The following PALLD variants were observed in gnomAD, a reference collection of about 807,000 sequenced individuals.
PALLD encodes palladin, cytoskeletal associated protein, also known as palladin.
PALLD carries 61 observed loss-of-function variants against 123.5 expected under a neutral mutation model. That is an observed-to-expected ratio of 0.49 (90% CI 0.40 to 0.61). The LOEUF (loss-of-function observed/expected upper bound fraction) is 0.61. Among genes scored for constraint, PALLD ranks in the 20% least tolerant of loss-of-function variants. The pLI is 0.00. For missense variants in PALLD, 1,273 were observed against 1,377.0 expected, an observed-to-expected ratio of 0.92 and a Z score of 1.20; for synonymous variants, 465 against 496.4, an observed-to-expected ratio of 0.94 and a Z score of 0.84.
intron 10 of PALLD, among the ~76,000 whole-genome samples, chr4:168,797,044 G>A (rs1738612685): frequency 6.6e-6 from 1 of 152,088 alleles, no homozygotes; most frequent in Admixed American, 6.5e-5. Flanking sequence ...TCACCAAATT[G>A]AGTTGTCTCT....
intron 2 of PALLD, among the ~76,000 whole-genome samples, chr4:168,552,425 G>A (rs752717174): frequency 6.6e-6 from 1 of 152,094 alleles, no homozygotes; most frequent in Non-Finnish European, 1.5e-5. Flanking sequence ...TGGAATCCAT[G>A]AGCTTTCTTA....
chr4:168,702,104 T>C (rs1783732850), intron 8 of PALLD, among the ~76,000 whole-genome samples: 3 of 152,230 alleles, frequency 2.0e-5, no homozygotes, highest in African/African-American at 7.2e-5. Flanking sequence ...AAACTCCATT[T>C]CCTGACTTAA....
At chr4:168,878,698 T>G in intron 10 of PALLD, among the ~76,000 whole-genome samples, 1 of 148,576 alleles carries the variant, frequency 6.7e-6, no homozygotes, top group South Asian at 2.2e-4. Flanking sequence ...GGGGGGTGCT[T>G]AGCTATCATT....
At chr4:168,605,113 A>C (rs1385759975) in intron 2 of PALLD, among the ~76,000 whole-genome samples, 1 of 152,048 alleles carries the variant, frequency 6.6e-6, no homozygotes, top group African/African-American at 2.4e-5. Flanking sequence ...CTGAGCTCCA[A>C]ATGTGATGTT....
chr4:168,689,432 C>CTTTTTTTTTTTTTTTTTTTTTT (rs70961551), intron 6 of PALLD, among the ~76,000 whole-genome samples: 1 of 49,858 alleles, frequency 2.0e-5, no homozygotes, highest in Admixed American at 3.5e-4. Flanking sequence ...ATCCAATATT[C>CTTTTTTTTTTTTTTTTTTTTTT]TTTTTTTTTT....
chr4:168,838,777 C>T (rs1047653501), intron 10 of PALLD, among the ~76,000 whole-genome samples: 8 of 143,750 alleles, frequency 5.6e-5, no homozygotes, highest in African/African-American at 2.1e-4. Flanking sequence ...AGGAAACCTA[C>T]ACACTTGTCC....
chr4:168,509,438 A>G (rs901904883), intron 1 of PALLD, among the ~76,000 whole-genome samples: 2 of 152,216 alleles, frequency 1.3e-5, no homozygotes, highest in African/African-American at 4.8e-5. Context: ...CCTTTTCAAA[A>G]TCATACTTTA....
At chr4:168,852,495 G>A (rs1403494748) in intron 10 of PALLD, among the ~76,000 whole-genome samples, 2 of 152,196 alleles carry the variant, frequency 1.3e-5, no homozygotes, top group East Asian at 3.8e-4. Context: ...ACAAAAATTA[G>A]CCGGGTGCAG....
At chr4:168,839,417 A>G (rs1043420667) in intron 10 of PALLD, among the ~76,000 whole-genome samples, 9 of 151,856 alleles carry the variant, frequency 5.9e-5, no homozygotes, top group Admixed American at 5.2e-4. Flanking sequence ...CTCTGTAGGT[A>G]GTCAATGGGA....
intron 13 of PALLD, 31 bp from the exon 14 acceptor site, chr4:168,898,462 A>C: frequency 7.2e-7 from 1 of 1,385,686 alleles, no homozygotes; most frequent in Non-Finnish European, 1.0e-6. Context: ...GAAGGGATTG[A>C]GTCTGCTAAC....
chr4:168,831,841 C>A (rs1291996973), intron 10 of PALLD, among the ~76,000 whole-genome samples: 2 of 152,224 alleles, frequency 1.3e-5, no homozygotes, highest in East Asian at 3.8e-4. Flanking sequence ...CCAGGAAAGC[C>A]CGATTTGTAG....
intron 10 of PALLD, chr4:168,831,876 G>A (rs1458104140): frequency 2.3e-6 from 1 of 435,956 alleles, no homozygotes; most frequent in Non-Finnish European, 3.1e-6. Context: ...GAAGGGGCCT[G>A]CGACCAGAAA....
Position 168,915,890 on chromosome 4 carries a change from T to C in PALLD, c.2718-5T>C. On this transcript the variant is annotated splice_polypyrimidine_tract_variant and splice_region_variant and intron_variant, in intron 16 of 21. Transcript: ENST00000505667. ...CTATCTATCTGTCATCTTTCTTGTT[T>C]CAAGGCCTCGTTCTAGATCAAGGGA... 1 of 1,611,620 alleles carries C rather than the reference T, an allele frequency of 6.2e-7. No homozygotes were observed.
At chr4:168,915,868 T>A (rs1446626053) in intron 16 of PALLD, 27 bp from the exon 17 acceptor site, 17 of 1,592,842 alleles carry the variant, frequency 1.1e-5, no homozygotes, top group Non-Finnish European at 1.4e-5. Flanking sequence ...TATATTTCTA[T>A]CTATCTGTCA....
At chr4:168,877,128 G>A (rs1184467148) in intron 10 of PALLD, among the ~76,000 whole-genome samples, 6 of 152,112 alleles carry the variant, frequency 3.9e-5, no homozygotes, top group Admixed American at 2.0e-4. Flanking sequence ...TAAGAAATTC[G>A]CAATTCAGTT....
chr4:168,877,181 G>T (rs1751860036), intron 10 of PALLD, among the ~76,000 whole-genome samples: 1 of 152,172 alleles, frequency 6.6e-6, no homozygotes, highest in Non-Finnish European at 1.5e-5. Flanking sequence ...GGGGACAAAT[G>T]TAGAGATTAA....
At chr4:168,778,392 A>T (rs148864269) in intron 10 of PALLD, among the ~76,000 whole-genome samples, 2,878 of 152,270 alleles carry the variant, frequency 0.019, 109 homozygotes, top group Admixed American at 0.087. Flanking sequence ...AACACCTTGT[A>T]TAATCACTAT....
At chr4:168,766,509 T>C (rs1425912880) in intron 10 of PALLD, among the ~76,000 whole-genome samples, 1 of 152,194 alleles carries the variant, frequency 6.6e-6, no homozygotes. Context: ...AGACATTCCC[T>C]GGGAGCACCC....
In PALLD at chr4:168,627,342, T is replaced by C. The variant is rs6845361; in HGVS notation, c.909-40848T>C. 2.3e-3 allele frequency among the ~76,000 whole-genome samples: 351 copies of C among 152,262 alleles called. 3 individuals carry two copies. Among genetic ancestry groups the C allele is most frequent in the African/African-American group, 8.3e-3 (344 of 41,540 alleles). ...CTGGCCAACATGGCGAAAACCCATTTCTACTAAAAATACAAAAATTAGCCT... is the reference window on the plus strand; with the variant it reads ...CTGGCCAACATGGCGAAAACCCATTCCTACTAAAAATACAAAAATTAGCCT... On this transcript the variant is annotated intron_variant, in intron 2 of 21. Coordinates refer to ENST00000505667, the MANE Select transcript of PALLD (RefSeq NM_001166108.2).
Sources: allele counts gnomAD v4.1 joint callset (sites outside exome capture counted in the v4.1 genomes callset), GRCh38; gene constraint gnomAD v4.1.1; transcripts MANE v1.5; gene names NCBI Gene and HGNC (gene_info 2026-07-23, HGNC 2026-07-21).